SH3BGRL2: variants seen among roughly 807,000 people sequenced by gnomAD.
SH3BGRL2 encodes SH3 domain-binding glutamic acid-rich-like protein 2.
A neutral mutation model predicts 14.8 loss-of-function variants in SH3BGRL2; 21 were observed. The ratio of observed to expected loss-of-function variants is 1.42; its 90% confidence interval spans 1.01 to 2.05. SH3BGRL2 has a LOEUF of 2.05. Ranked by LOEUF, SH3BGRL2 falls within the 30% of genes most tolerant of loss-of-function variation. SH3BGRL2 has a pLI of 0.00. For synonymous variants in SH3BGRL2, 50 were observed against 47.8 expected, an observed-to-expected ratio of 1.05 and a Z score of -0.19; for missense variants, 147 against 130.8, an observed-to-expected ratio of 1.12 and a Z score of -0.61.
At chr6:79,686,481 A>G (rs1770091905) in intron 2 of SH3BGRL2, among the ~76,000 whole-genome samples, 2 of 152,018 alleles carry the variant, frequency 1.3e-5, no homozygotes, top group African/African-American at 4.8e-5. Context: ...CGTAACTTTT[A>G]TCTTCTAGAT....
chr6:79,574,368 G>GAGTT, the SH3BGRL2 span: 1 of 152,196 alleles, frequency 6.6e-6, no homozygotes, highest in South Asian at 2.1e-4. Flanking sequence ...ATTCATCAAT[G>GAGTT]AGTTGCTAAG....
In SH3BGRL2 at chr6:79,691,046, T is replaced by G. The variant is rs1422565307; in HGVS notation, c.232-5439T>G. On this transcript the variant is annotated intron_variant, in intron 2 of 3. Coordinates refer to ENST00000369838, the MANE Select transcript of SH3BGRL2 (RefSeq NM_031469.4). The stretch of plus-strand genomic sequence containing the variant: ...GGTGTGCACCTGTGGTCCCAGCTAC[T>G]CGGGAGGCTGAGATGGGAGGATCAC... Among the ~76,000 whole-genome samples, 6 of 152,190 alleles carry G rather than the reference T, an allele frequency of 3.9e-5. No individual in the cohort carries two copies. In the East Asian group the frequency reaches 7.7e-4, roughly 20 times the overall value.
chr6:79,681,602 A>T (rs929585143), intron 2 of SH3BGRL2, among the ~76,000 whole-genome samples: 1 of 152,068 alleles, frequency 6.6e-6, no homozygotes, highest in Non-Finnish European at 1.5e-5. Flanking sequence ...AGACAAGGAG[A>T]TGTGTTAGCA....
At chr6:79,545,239 C>T in the SH3BGRL2 span, among the ~76,000 whole-genome samples, 1 of 152,174 alleles carries the variant, frequency 6.6e-6, no homozygotes, top group African/African-American at 2.4e-5. Flanking sequence ...GCTGATGCAG[C>T]TCCCCTGCAG....
chr6:79,678,433 G>A lies in SH3BGRL2; in HGVS notation c.231+4634G>A, dbSNP rs115650461. Among the ~76,000 whole-genome samples the A allele has an allele frequency of 9.6e-3, 1,462 of 152,128 alleles. 24 individuals are homozygous for A. Among genetic ancestry groups the A allele is most frequent in the African/African-American group, 0.033 (1,365 of 41,498 alleles). ...CTTCTTTCACTTAGCATATCTTCAA[G>A]GTTCATCCATGTTCTAGCATGTGAC... On this transcript the variant is annotated intron_variant, in intron 2 of 3. Coordinates refer to ENST00000369838, the MANE Select transcript of SH3BGRL2 (RefSeq NM_031469.4).
the SH3BGRL2 span, among the ~76,000 whole-genome samples, chr6:79,552,622 TCTGGGATCCCCTTGGACA>T: frequency 1.3e-5 from 2 of 152,172 alleles, no homozygotes; most frequent in Admixed American, 6.5e-5. Flanking sequence ...TTAAGGTTCT[TCTGGGATCCCCTTGGACA>T]CAAGGGGTCC....
the SH3BGRL2 span, among the ~76,000 whole-genome samples, chr6:79,590,444 T>TATATATGCG: frequency 1.5e-5 from 2 of 132,668 alleles, no homozygotes; most frequent in African/African-American, 5.7e-5. Flanking sequence ...TATATATATA[T>TATATATGCG]ATATATATAT....
the SH3BGRL2 span, among the ~76,000 whole-genome samples, chr6:79,554,996 T>G: frequency 2.8e-4 from 43 of 152,172 alleles, no homozygotes; most frequent in Admixed American, 2.8e-3. Context: ...AAAGATATTT[T>G]CTTCACAATA....
At chr6:79,628,308 T>A (rs180924795), upstream of SH3BGRL2, among the ~76,000 whole-genome samples, 36 of 151,886 alleles carry the variant, frequency 2.4e-4, no homozygotes, top group Middle Eastern at 3.4e-3. Flanking sequence ...CCGATAGATT[T>A]CATCAGACTA....
chr6:79,665,059 G>C (rs558989139), intron 1 of SH3BGRL2, among the ~76,000 whole-genome samples: 2 of 152,260 alleles, frequency 1.3e-5, no homozygotes, highest in East Asian at 3.9e-4. Flanking sequence ...AATTAGCAAG[G>C]CGTCGTGGCG....
At chr6:79,619,280 C>T in the SH3BGRL2 span, among the ~76,000 whole-genome samples, 1 of 151,858 alleles carries the variant, frequency 6.6e-6, no homozygotes, top group Non-Finnish European at 1.5e-5. Context: ...ATTTCCTTCC[C>T]TTCTTACACA....
chr6:79,668,903 C>T (rs369561105), intron 1 of SH3BGRL2, among the ~76,000 whole-genome samples: 1 of 152,140 alleles, frequency 6.6e-6, no homozygotes, highest in African/African-American at 2.4e-5. Context: ...CGGCTATGTA[C>T]AGTTAGATGT....
At chr6:79,645,921 C>T (rs1471864012) in intron 1 of SH3BGRL2, among the ~76,000 whole-genome samples, 1 of 152,156 alleles carries the variant, frequency 6.6e-6, no homozygotes, top group East Asian at 1.9e-4. Flanking sequence ...AAAACTGCTA[C>T]TCTGAGGTTA....
At chr6:79,589,028 A>G in the SH3BGRL2 span, among the ~76,000 whole-genome samples, 1 of 152,110 alleles carries the variant, frequency 6.6e-6, no homozygotes, top group Non-Finnish European at 1.5e-5. Context: ...CTTATATAAA[A>G]TGATGTAGCA....
rs1317346468 is a variant in SH3BGRL2 at position 79,700,417 on chromosome 6, A to T, written c.*908A>T. 1 of 152,110 alleles carries T rather than the reference A, an allele frequency of 6.6e-6. No individual in the cohort carries two copies. The highest frequency in any genetic ancestry group is 2.4e-5 in the African/African-American group (1 of 41,410). 9.4% of individuals were successfully genotyped at this position (152,110 alleles called of 1,614,324 possible). A position where few individuals can be genotyped will look rare whatever the true frequency, so the allele number is the denominator to read the frequency against. ...GCTGCTGCTTCTATTTTGTGAAGGG[A>T]CTATATTTTTTGAGAAAGGAAAATC... is the stretch of plus-strand genomic sequence containing the variant. On this transcript the variant is annotated 3_prime_UTR_variant, in exon 4 of 4. Coordinates refer to ENST00000369838, the MANE Select transcript of SH3BGRL2 (RefSeq NM_031469.4).
chr6:79,625,052 A>G, the SH3BGRL2 span, among the ~76,000 whole-genome samples: 10 of 152,270 alleles, frequency 6.6e-5, 1 homozygote, highest in South Asian at 2.1e-3. Context: ...GCATGCTTGT[A>G]GTTCCAGCTA....
At chr6:79,579,960 A>C in the SH3BGRL2 span, among the ~76,000 whole-genome samples, 3 of 152,224 alleles carry the variant, frequency 2.0e-5, no homozygotes, top group Non-Finnish European at 4.4e-5. Flanking sequence ...AAGATCTATC[A>C]AGCAAATGGA....
At chr6:79,545,776 C>G in the SH3BGRL2 span, among the ~76,000 whole-genome samples, 1 of 152,130 alleles carries the variant, frequency 6.6e-6, no homozygotes, top group South Asian at 2.1e-4. Flanking sequence ...ACATTGACTT[C>G]AAATCTTTCT....
the SH3BGRL2 span, among the ~76,000 whole-genome samples, chr6:79,601,846 G>A: frequency 6.6e-6 from 1 of 151,610 alleles, no homozygotes; most frequent in South Asian, 2.1e-4. Context: ...TATTTATTTT[G>A]CATTGCTTGC....
Sources: allele counts gnomAD v4.1 joint callset (sites outside exome capture counted in the v4.1 genomes callset), GRCh38; gene constraint gnomAD v4.1.1; transcripts MANE v1.5; gene names NCBI Gene and HGNC (gene_info 2026-07-23, HGNC 2026-07-21).